Variants in RAB3C observed in about 807,000 individuals in gnomAD.
The protein encoded by RAB3C is RAB3C, member RAS oncogene family.
RAB3C carries 17 observed loss-of-function variants against 26.4 expected under a neutral mutation model. The observed-to-expected ratio is 0.64, with a 90% CI of 0.44 to 0.97. RAB3C has a LOEUF of 0.97. Ranked by LOEUF, RAB3C falls within the 50% of genes least tolerant of loss-of-function variation. The probability of loss-of-function intolerance (pLI) is 0.00; values close to 1 mark genes in which losing one functional copy is unlikely to be tolerated. For synonymous variants in RAB3C, 91 were observed against 95.9 expected (o/e 0.95, Z 0.30); for missense variants, 242 against 281.9 (o/e 0.86, Z 1.01).
intron 2 of RAB3C, among the ~76,000 whole-genome samples, chr5:58,725,309 T>A (rs1315470772): frequency 6.6e-6 from 1 of 151,802 alleles, no homozygotes; most frequent in African/African-American, 2.4e-5. Context: ...AAATTGGAGC[T>A]CCTTTATATG....
At chr5:58,747,118 T>TC (rs1352249748) in intron 3 of RAB3C, among the ~76,000 whole-genome samples, 2 of 152,190 alleles carry the variant, frequency 1.3e-5, no homozygotes, top group African/African-American at 2.4e-5. Context: ...TGGTTTTTTT[T>TC]CTAACATTAT....
chr5:58,831,584 A>C (rs187390162), intron 4 of RAB3C, among the ~76,000 whole-genome samples: 2 of 152,144 alleles, frequency 1.3e-5, no homozygotes, highest in Non-Finnish European at 1.5e-5. Flanking sequence ...CACTTTAGGG[A>C]AGCTATAATC....
At chr5:58,694,845 G>A (rs113764446) in intron 2 of RAB3C, among the ~76,000 whole-genome samples, 2 of 151,926 alleles carry the variant, frequency 1.3e-5, no homozygotes, top group Admixed American at 6.6e-5. Context: ...TTGTCAGATG[G>A]GTAGATTGCA....
At chr5:58,816,029 C>T (rs1743208238) in intron 3 of RAB3C, among the ~76,000 whole-genome samples, 1 of 152,034 alleles carries the variant, frequency 6.6e-6, no homozygotes, top group African/African-American at 2.4e-5. Context: ...TAGTGGTGTA[C>T]CCATAAACTG....
chr5:58,809,907 G>C (rs532186222), intron 3 of RAB3C, among the ~76,000 whole-genome samples: 1 of 152,332 alleles, frequency 6.6e-6, no homozygotes, highest in South Asian at 2.1e-4. Context: ...CTGCAAACTA[G>C]TAGACAGCTA....
At chr5:58,776,815 A>G (rs1170240056) in intron 3 of RAB3C, among the ~76,000 whole-genome samples, 1 of 152,074 alleles carries the variant, frequency 6.6e-6, no homozygotes, top group Non-Finnish European at 1.5e-5. Flanking sequence ...CCATCCTGTG[A>G]TGTGGCCATT....
chr5:58,685,715 T>C (rs1748431937), intron 2 of RAB3C, among the ~76,000 whole-genome samples: 1 of 152,178 alleles, frequency 6.6e-6, no homozygotes, highest in Non-Finnish European at 1.5e-5. Context: ...TGTTATTGAG[T>C]ATCTACTATG....
chr5:58,758,151 A>G (rs1168161770), intron 3 of RAB3C, among the ~76,000 whole-genome samples: 3 of 152,054 alleles, frequency 2.0e-5, no homozygotes, highest in Admixed American at 6.5e-5. Flanking sequence ...TCACTGTGTT[A>G]GTCAGGATGG....
intron 3 of RAB3C, among the ~76,000 whole-genome samples, chr5:58,740,430 C>T (rs1001274254): frequency 6.6e-6 from 1 of 152,196 alleles, no homozygotes; most frequent in African/African-American, 2.4e-5. Context: ...GGGAGCTCAG[C>T]CACCATGTTC....
chr5:58,729,710 GTATA>G (rs1244603043), intron 3 of RAB3C, among the ~76,000 whole-genome samples: 3 of 145,804 alleles, frequency 2.1e-5, no homozygotes, highest in Non-Finnish European at 1.5e-5. Flanking sequence ...GTGTGTATGT[GTATA>G]TATAAACACA....
intron 3 of RAB3C, among the ~76,000 whole-genome samples, chr5:58,806,694 A>G (rs1742946745): frequency 6.6e-6 from 1 of 152,160 alleles, no homozygotes; most frequent in African/African-American, 2.4e-5. Context: ...AGTCATCACA[A>G]CCAAAAATGT....
intron 4 of RAB3C, among the ~76,000 whole-genome samples, chr5:58,843,731 G>A (rs1743925842): frequency 6.6e-6 from 1 of 152,062 alleles, no homozygotes; most frequent in Non-Finnish European, 1.5e-5. Context: ...ATTTCCCACA[G>A]GGCAAAACCA....
chr5:58,810,385 CTGTGTG>C (rs70973156), intron 3 of RAB3C, among the ~76,000 whole-genome samples: 11 of 146,998 alleles, frequency 7.5e-5, no homozygotes, highest in East Asian at 4.2e-4. Flanking sequence ...CTCTCTCTCT[CTGTGTG>C]TGTGTGTGTG....
At chr5:58,669,405 T>G (rs17346755) in intron 2 of RAB3C, among the ~76,000 whole-genome samples, 26,466 of 151,988 alleles carry the variant, frequency 0.17, 2,513 homozygotes, top group Admixed American at 0.28. Context: ...ACCCAGAGAC[T>G]AATACAACGT....
At chr5:58,698,571 T>G (rs1561293317) in intron 2 of RAB3C, among the ~76,000 whole-genome samples, 1 of 152,246 alleles carries the variant, frequency 6.6e-6, no homozygotes, top group Non-Finnish European at 1.5e-5. Context: ...CAATCAAACG[T>G]AGATTTGGTC....
At chr5:58,726,508 C>G (rs905584282) in intron 3 of RAB3C, among the ~76,000 whole-genome samples, 1 of 151,996 alleles carries the variant, frequency 6.6e-6, no homozygotes, top group African/African-American at 2.4e-5. Context: ...TTTAGTAAAT[C>G]AACTTTTATT....
At chr5:58,596,594 AATATATT>A (rs1746263104) in intron 1 of RAB3C, among the ~76,000 whole-genome samples, 1 of 114,296 alleles carries the variant, frequency 8.7e-6, no homozygotes, top group Non-Finnish European at 1.7e-5. Flanking sequence ...TATAATACAT[AATATATT>A]ATATATAAAT....
At chr5:58,595,989 G>C (rs555235218) in intron 1 of RAB3C, among the ~76,000 whole-genome samples, 1 of 152,056 alleles carries the variant, frequency 6.6e-6, no homozygotes, top group East Asian at 1.9e-4. Flanking sequence ...ACTTACTTTT[G>C]TTTTATCTAA....
At chr5:58,782,704 T>G (rs1049296479) in intron 3 of RAB3C, among the ~76,000 whole-genome samples, 2 of 152,134 alleles carry the variant, frequency 1.3e-5, no homozygotes, top group Non-Finnish European at 2.9e-5. Context: ...TATTTGAGAA[T>G]TCTACAGAAT....
Sources: gnomAD v4.1 joint callset for allele counts (sites outside exome capture counted in the v4.1 genomes callset) on GRCh38, gnomAD v4.1.1 for gene constraint, MANE v1.5 for transcripts, NCBI Gene and HGNC (gene_info 2026-07-23, HGNC 2026-07-21) for gene names.